The following PRH1 variants were observed in gnomAD, a reference collection of about 807,000 sequenced individuals.
The protein encoded by PRH1 is salivary acidic proline-rich phosphoprotein 1/2.
In PRH1, 7 loss-of-function variants were observed where a neutral mutation model predicts 7.9. That is an observed-to-expected ratio of 0.89 (90% CI 0.50 to 1.67). The LOEUF (loss-of-function observed/expected upper bound fraction) is 1.67. Ranked by LOEUF, PRH1 falls within the 40% of genes most tolerant of loss-of-function variation. The pLI, the probability that PRH1 is intolerant of heterozygous loss-of-function variation, is 0.00. For synonymous variants in PRH1, 45 were observed against 80.8 expected (o/e 0.56, Z 2.38); for missense variants, 109 against 223.6 (o/e 0.49, Z 3.27).
At chr12:11,059,943 C>T (rs1378386210) in intron 1 of PRH1, among the ~76,000 whole-genome samples, 2 of 151,982 alleles carry the variant, frequency 1.3e-5, no homozygotes, top group African/African-American at 2.4e-5. Context: ...CAACAGAAAG[C>T]AAGAAAGAGA....
intron 1 of PRH1, chr12:11,132,921 G>A (rs1946408050): frequency 5.3e-6 from 1 of 188,974 alleles, no homozygotes; most frequent in Non-Finnish European, 1.1e-5. Context: ...ATAGAAAAGA[G>A]CAATATTTTT....
rs1369086860 is a variant in PRH1, at chr12:11,074,657, A to G, written n.124-27469T>C. Among the ~76,000 whole-genome samples the G allele has an allele frequency of 1.9e-5, 2 of 105,562 alleles. 1 individual carries two copies. The allele number at this position is 105,562 out of a possible 152,430, so 69.3% of individuals were successfully genotyped here. On this transcript the variant is annotated intron_variant and non_coding_transcript_variant, in intron 1 of 4. Coordinates refer to the PRH1 transcript ENST00000541977. ...GAGGAAAAGAGACAAAAAATTAAAA[A>G]AAAAACAAAACAAGTATCTCTTAGA... is the stretch of plus-strand genomic sequence containing the variant.
intron 2 of PRH1, among the ~76,000 whole-genome samples, chr12:10,933,233 T>A (rs558336671): frequency 3.3e-5 from 5 of 151,952 alleles, no homozygotes; most frequent in African/African-American, 4.8e-5. Flanking sequence ...CAATATGGAG[T>A]GACTTATATA....
chr12:11,044,583 A>G (rs368102979), intron 1 of PRH1, among the ~76,000 whole-genome samples: 3 of 152,184 alleles, frequency 2.0e-5, no homozygotes, highest in African/African-American at 7.2e-5. Flanking sequence ...AGGAGCTTTA[A>G]CAACTGTATA....
intron 1 of PRH1, among the ~76,000 whole-genome samples, chr12:11,058,877 C>T (rs867179741): frequency 5.1e-4 from 78 of 152,276 alleles, no homozygotes; most frequent in Admixed American, 3.1e-3. Context: ...TACATCTGAG[C>T]GGCACAAAGA....
In PRH1 at chr12:11,076,741, G is replaced by A. The variant is rs544279935; in HGVS notation, n.124-29553C>T. The A allele has an allele frequency of 3.5e-5, 4 of 112,916 alleles. 2 individuals carry two copies. The South Asian group carries it at 9.6e-4, about 27-fold the overall frequency. 7.0% of individuals were successfully genotyped at this position (112,916 alleles called of 1,614,324 possible). A position where few individuals can be genotyped will look rare whatever the true frequency, so the allele number is the denominator to read the frequency against. ...TTTAGTATTCTTTAGTACTGTTTTT[G>A]GTATATATAAATAAAACTTACTCTA... On this transcript the variant is annotated intron_variant and non_coding_transcript_variant, in intron 1 of 4. Coordinates refer to the PRH1 transcript ENST00000541977.
intron 1 of PRH1, chr12:10,986,570 C>A: frequency 6.2e-7 from 1 of 1,614,014 alleles, no homozygotes; most frequent in Non-Finnish European, 8.5e-7. Flanking sequence ...TAGCAGCAAG[C>A]CACATGCTGA....
At chr12:10,943,809 C>T (rs771238489) in intron 2 of PRH1, among the ~76,000 whole-genome samples, 6 of 152,160 alleles carry the variant, frequency 3.9e-5, no homozygotes, top group Non-Finnish European at 7.4e-5. Flanking sequence ...TATCCCAGTG[C>T]TATTTATTAA....
chr12:11,045,558 A>G (rs1321144659), intron 1 of PRH1, among the ~76,000 whole-genome samples: 1 of 152,292 alleles, frequency 6.6e-6, no homozygotes, highest in East Asian at 1.9e-4. Context: ...CCTAGTATGT[A>G]TCCACGAAAC....
At chr12:11,154,147 C>A (rs1432226987) in intron 1 of PRH1, among the ~76,000 whole-genome samples, 1 of 152,132 alleles carries the variant, frequency 6.6e-6, no homozygotes, top group Non-Finnish European at 1.5e-5. Flanking sequence ...CATCAGCCAA[C>A]TTTGGCAGTT....
At chr12:10,914,256 T>C (rs1271114205) in intron 2 of PRH1, among the ~76,000 whole-genome samples, 1 of 152,190 alleles carries the variant, frequency 6.6e-6, no homozygotes, top group Non-Finnish European at 1.5e-5. Context: ...AAATTGACTT[T>C]AGAAAATAAT....
At chr12:11,129,780 T>C (rs1371846219) in intron 1 of PRH1, among the ~76,000 whole-genome samples, 2 of 152,296 alleles carry the variant, frequency 1.3e-5, no homozygotes, top group African/African-American at 2.4e-5. Flanking sequence ...TGCTTCACTG[T>C]TGTATGTCAG....
chr12:10,900,471 A>G (rs1260059540), intron 2 of PRH1, among the ~76,000 whole-genome samples: 4 of 152,186 alleles, frequency 2.6e-5, no homozygotes, highest in African/African-American at 9.6e-5. Context: ...ATATTGGAGC[A>G]CCTGCTTTAG....
At chr12:11,080,950 A>G (rs1236538513) in intron 1 of PRH1, among the ~76,000 whole-genome samples, 2 of 126,458 alleles carry the variant, frequency 1.6e-5, no homozygotes, top group Non-Finnish European at 3.7e-5. Context: ...CAGATTTTCT[A>G]TTGGTCTTTT....
At chr12:11,026,186 C>T (rs951418421) in intron 1 of PRH1, among the ~76,000 whole-genome samples, 9 of 152,206 alleles carry the variant, frequency 5.9e-5, no homozygotes, top group African/African-American at 1.9e-4. Context: ...TAGGCATGCA[C>T]CAACACACCA....
chr12:10,929,305 T>C (rs1169138040), intron 2 of PRH1: 2 of 1,614,214 alleles, frequency 1.2e-6, no homozygotes, highest in Non-Finnish European at 1.7e-6. Flanking sequence ...GTGGCCCTGC[T>C]GGCCTTCAGC....
intron 1 of PRH1, among the ~76,000 whole-genome samples, chr12:11,028,541 A>G (rs960574413): frequency 1.3e-5 from 2 of 152,232 alleles, no homozygotes; most frequent in Non-Finnish European, 2.9e-5. Context: ...CACTTCAATA[A>G]CAGGTATTAC....
intron 1 of PRH1, among the ~76,000 whole-genome samples, chr12:10,985,563 C>G (rs1939570269): frequency 6.6e-6 from 1 of 152,058 alleles, no homozygotes; most frequent in Non-Finnish European, 1.5e-5. Context: ...TAATGTGTCA[C>G]TTCTTAACAA....
intron 2 of PRH1, among the ~76,000 whole-genome samples, chr12:10,921,340 T>C (rs924181651): frequency 1.3e-5 from 2 of 152,116 alleles, no homozygotes; most frequent in African/African-American, 2.4e-5. Flanking sequence ...ATTCAAAATC[T>C]TTGAAATTGT....
Sources: gnomAD v4.1 joint callset for allele counts (sites outside exome capture counted in the v4.1 genomes callset) on GRCh38, gnomAD v4.1.1 for gene constraint, MANE v1.5 for transcripts, NCBI Gene and HGNC (gene_info 2026-07-23, HGNC 2026-07-21) for gene names.